CTNNA3: variants seen among roughly 807,000 people sequenced by gnomAD.
CTNNA3 encodes the protein catenin alpha 3.
A neutral mutation model predicts 95.7 loss-of-function variants in CTNNA3; 76 were observed. The ratio of observed to expected loss-of-function variants is 0.79; its 90% CI spans 0.66 to 0.96. CTNNA3 has a LOEUF of 0.96. CTNNA3 is among the 40% of genes least tolerant of loss of function. CTNNA3 has a pLI of 0.00. For missense variants in CTNNA3, 1,191 were observed against 1,089.8 expected (o/e 1.09, Z -1.31); for synonymous variants, 431 against 374.4 (o/e 1.15, Z -1.74).
At chr10:67,213,011 G>A (rs1864199990) in intron 6 of CTNNA3, among the ~76,000 whole-genome samples, 1 of 151,678 alleles carries the variant, frequency 6.6e-6, no homozygotes, top group South Asian at 2.1e-4. Flanking sequence ...GGACACTGCT[G>A]TAGAAATACA....
chr10:67,755,771 C>A (rs1239773931), intron 1 of CTNNA3, among the ~76,000 whole-genome samples: 5 of 141,104 alleles, frequency 3.5e-5, no homozygotes, highest in African/African-American at 1.4e-4. Context: ...CATTGCACTC[C>A]AGCCTGGGCG....
intron 12 of CTNNA3, among the ~76,000 whole-genome samples, chr10:66,334,212 A>G (rs2092367824): frequency 6.6e-6 from 1 of 151,970 alleles, no homozygotes; most frequent in African/African-American, 2.4e-5. Context: ...TAATTGGAGC[A>G]TTTAGCCCAT....
At chr10:66,750,775 T>C (rs1275224355) in intron 9 of CTNNA3, among the ~76,000 whole-genome samples, 1 of 152,182 alleles carries the variant, frequency 6.6e-6, no homozygotes, top group Non-Finnish European at 1.5e-5. Flanking sequence ...TGTATTGAGA[T>C]TGCATTGAAT....
At chr10:67,075,413 G>A (rs555774030) in intron 7 of CTNNA3, among the ~76,000 whole-genome samples, 1 of 152,252 alleles carries the variant, frequency 6.6e-6, no homozygotes, top group South Asian at 2.1e-4. Flanking sequence ...CATTGTAAGA[G>A]GTAAATGAGA....
chr10:66,457,102 G>GA (rs1443703189), intron 11 of CTNNA3, among the ~76,000 whole-genome samples: 1 of 151,686 alleles, frequency 6.6e-6, no homozygotes, highest in Non-Finnish European at 1.5e-5. Context: ...TCAAAAAATG[G>GA]AAAAAACAAA....
chr10:66,697,466 T>C (rs1283187789), intron 9 of CTNNA3, among the ~76,000 whole-genome samples: 1 of 151,852 alleles, frequency 6.6e-6, no homozygotes, highest in African/African-American at 2.4e-5. Context: ...ATATGGATTA[T>C]ATATGTATGT....
chr10:67,170,980 T>G (rs1861993233), intron 7 of CTNNA3, among the ~76,000 whole-genome samples: 1 of 152,192 alleles, frequency 6.6e-6, no homozygotes, highest in Admixed American at 6.5e-5. Flanking sequence ...TTATATTGAT[T>G]GCATATTGAA....
chr10:66,645,203 C>T (rs1845663810), intron 9 of CTNNA3, among the ~76,000 whole-genome samples: 1 of 152,056 alleles, frequency 6.6e-6, no homozygotes, highest in African/African-American at 2.4e-5. Flanking sequence ...TAGCATTTTA[C>T]ATTTTGATGA....
chr10:66,731,061 A>C (rs1848945065), intron 9 of CTNNA3, among the ~76,000 whole-genome samples: 1 of 152,216 alleles, frequency 6.6e-6, no homozygotes, highest in Admixed American at 6.5e-5. Flanking sequence ...GGCCAAATAC[A>C]CAATAAATTG....
At chr10:67,233,064 A>G (rs1865293934) in intron 5 of CTNNA3, among the ~76,000 whole-genome samples, 1 of 152,244 alleles carries the variant, frequency 6.6e-6, no homozygotes, top group Non-Finnish European at 1.5e-5. Flanking sequence ...TAATAATGCG[A>G]GACTTTAACA....
chr10:67,699,695 C>T (rs1385467520), upstream of CTNNA3, among the ~76,000 whole-genome samples: 3 of 152,196 alleles, frequency 2.0e-5, no homozygotes, highest in South Asian at 2.1e-4. Context: ...GCATGAGCGA[C>T]GCAGAAGACG....
intron 13 of CTNNA3, among the ~76,000 whole-genome samples, chr10:66,161,273 G>C (rs554662058): frequency 3.3e-5 from 5 of 152,186 alleles, no homozygotes; most frequent in Admixed American, 2.6e-4. Flanking sequence ...TTATTTACTT[G>C]TGTTTTTGTT....
intron 1 of CTNNA3, among the ~76,000 whole-genome samples, chr10:67,740,774 A>G (rs569100250): frequency 6.6e-6 from 1 of 151,554 alleles, no homozygotes; most frequent in East Asian, 1.9e-4. Flanking sequence ...ATCTAGAACT[A>G]CAAATACCAT....
At chr10:66,867,690 T>C (rs1432475591) in intron 7 of CTNNA3, among the ~76,000 whole-genome samples, 3 of 152,080 alleles carry the variant, frequency 2.0e-5, no homozygotes, top group East Asian at 1.9e-4. Context: ...CATGTCGTTA[T>C]TGGGAACAAA....
chr10:67,726,504 A>ATTATATATTATATAATATATAT (rs1564841227), intron 1 of CTNNA3, among the ~76,000 whole-genome samples: 1 of 65,620 alleles, frequency 1.5e-5, no homozygotes, highest in African/African-American at 6.4e-5. Flanking sequence ...AATATATAAT[A>ATTATATATTATATAATATATAT]TATTATATAT....
At chr10:67,739,202 G>T (rs1841320678) in intron 1 of CTNNA3, among the ~76,000 whole-genome samples, 2 of 152,150 alleles carry the variant, frequency 1.3e-5, no homozygotes, top group South Asian at 2.1e-4. Context: ...GAAAGGTTGG[G>T]TTACCCACAA....
intron 9 of CTNNA3, among the ~76,000 whole-genome samples, chr10:66,644,260 CTCTGTCTG>C (rs138947110): frequency 1.6e-4 from 23 of 144,442 alleles, no homozygotes; most frequent in South Asian, 2.3e-4. Context: ...GACTTGGTCT[CTCTGTCTG>C]TCTGTCTGTC....
chr10:66,393,889 G>T (rs1043070158), intron 11 of CTNNA3, among the ~76,000 whole-genome samples: 4 of 151,826 alleles, frequency 2.6e-5, no homozygotes, highest in Admixed American at 6.6e-5. Context: ...CAAAATCAAG[G>T]TTTATCTAAC....
intron 7 of CTNNA3, among the ~76,000 whole-genome samples, chr10:66,892,256 C>A (rs137896475): frequency 6.6e-6 from 1 of 152,004 alleles, no homozygotes; most frequent in Non-Finnish European, 1.5e-5. Context: ...CTTTTAATTA[C>A]GGACGATGTC....
Sources: allele counts gnomAD v4.1 joint callset (sites outside exome capture counted in the v4.1 genomes callset), GRCh38; gene constraint gnomAD v4.1.1; transcripts MANE v1.5; gene names NCBI Gene and HGNC (gene_info 2026-07-23, HGNC 2026-07-21).